The following CLMN variants were observed in gnomAD, a reference collection of about 807,000 sequenced individuals.
CLMN encodes the protein calmin, also known as calmin (calponin-like, transmembrane).
A neutral mutation model predicts 92.7 loss-of-function variants in CLMN; 57 were observed. The ratio of observed to expected loss-of-function variants is 0.61; its 90% CI spans 0.50 to 0.77. The LOEUF (loss-of-function observed/expected upper bound fraction) is 0.77. CLMN is among the 30% of genes least tolerant of loss of function. The pLI, the probability that CLMN is intolerant of heterozygous loss-of-function variation, is 0.00. For synonymous variants in CLMN, 466 were observed against 470.6 expected (o/e 0.99, Z 0.13); for missense variants, 1,158 against 1,237.5 (o/e 0.94, Z 0.96).
intron 1 of CLMN, among the ~76,000 whole-genome samples, chr14:95,291,586 CT>C (rs1310145546): frequency 6.6e-6 from 1 of 152,182 alleles, no homozygotes; most frequent in East Asian, 1.9e-4. Flanking sequence ...CCCAGCAAAC[CT>C]CGCTGGGGAA....
intron 8 of CLMN, among the ~76,000 whole-genome samples, chr14:95,206,606 C>T (rs1763734): frequency 0.29 from 43,507 of 152,180 alleles, 7,788 homozygotes; most frequent in African/African-American, 0.5. Context: ...GAACAGTTCA[C>T]TGCGTGTCTG....
rs898421929 is a variant in CLMN, at chr14:95,184,155, A to C, written c.*7409T>G. Reference sequence around the variant, plus strand: ...AAGAAAAGTATTTTTCATCCAACAAATATGTGCTGAATGCCTATAATGCAC... The same window carrying C: ...AAGAAAAGTATTTTTCATCCAACAACTATGTGCTGAATGCCTATAATGCAC... On this transcript the variant is annotated 3_prime_UTR_variant, in exon 13 of 13. Coordinates refer to ENST00000298912, the MANE Select transcript of CLMN (RefSeq NM_024734.4). 1.3e-5 allele frequency: 2 copies of C among 152,216 alleles called. No individual in the cohort carries two copies. Among genetic ancestry groups the C allele is most frequent in the African/African-American group, 4.8e-5 (2 of 41,452 alleles). The allele number at this position is 152,216 out of a possible 1,614,324, so 9.4% of individuals were successfully genotyped here. A position where few individuals can be genotyped will look rare whatever the true frequency, so the allele number is the denominator to read the frequency against.
chr14:95,276,505 G>T (rs923986874), intron 1 of CLMN, among the ~76,000 whole-genome samples: 1 of 152,202 alleles, frequency 6.6e-6, no homozygotes, highest in South Asian at 2.1e-4. Context: ...TTTAGGGACT[G>T]ACGAGTGGCT....
rs376471724 is a variant in CLMN at position 95,316,105 on chromosome 14, G to A, written c.82+3606C>T. ...GGGCAGCCAGACTAGCCTGTCTTTCGAAGGACACCAGAGCCCCCAGCCAGG... is the reference window on the plus strand; with the variant it reads ...GGGCAGCCAGACTAGCCTGTCTTTCAAAGGACACCAGAGCCCCCAGCCAGG... On this transcript the variant is annotated intron_variant, in intron 1 of 12. Coordinates refer to ENST00000298912, the MANE Select transcript of CLMN (RefSeq NM_024734.4). Among the ~76,000 whole-genome samples, 35 of 152,300 alleles carry A rather than the reference G, an allele frequency of 2.3e-4. No homozygotes were observed. In the South Asian group the frequency reaches 4.3e-3, roughly 19 times the overall value.
chr14:95,276,908 A>G (rs1379928328), intron 1 of CLMN, among the ~76,000 whole-genome samples: 2 of 151,358 alleles, frequency 1.3e-5, no homozygotes, highest in East Asian at 3.9e-4. Context: ...CAAAATTGAG[A>G]GGTTTTTGCC....
intron 2 of CLMN, among the ~76,000 whole-genome samples, chr14:95,227,807 A>G (rs879381716): frequency 3.9e-5 from 6 of 152,202 alleles, no homozygotes; most frequent in Non-Finnish European, 8.8e-5. Context: ...AAATTAAGGA[A>G]TTTTTCCAGA....
At position 95,214,642 on chromosome 14, in the gene CLMN, G is replaced by A. The variant is rs80048186; in HGVS notation, c.417+999C>T. On this transcript the variant is annotated intron_variant, in intron 5 of 12. Coordinates refer to ENST00000298912, the MANE Select transcript of CLMN (RefSeq NM_024734.4). ...TCTGGGATTATATGCGTGAGCCACT[G>A]TGCCCAGCCCACATGGCTTCTTTTG... Among the ~76,000 whole-genome samples the A allele has an allele frequency of 3.1e-3, 472 of 152,188 alleles. 4 individuals are homozygous for A. Among genetic ancestry groups the A allele is most frequent in the African/African-American group, 0.011 (455 of 41,526 alleles).
At chr14:95,279,453 T>C (rs1391932668) in intron 1 of CLMN, among the ~76,000 whole-genome samples, 1 of 152,198 alleles carries the variant, frequency 6.6e-6, no homozygotes, top group Non-Finnish European at 1.5e-5. Flanking sequence ...TCTGCACTTC[T>C]GTCTGGTGTC....
At chr14:95,317,288 G>GA (rs1332349889) in intron 1 of CLMN, among the ~76,000 whole-genome samples, 1 of 152,058 alleles carries the variant, frequency 6.6e-6, no homozygotes, top group Non-Finnish European at 1.5e-5. Context: ...CTGACCAAAG[G>GA]AAAAATCAAG....
intron 1 of CLMN, among the ~76,000 whole-genome samples, chr14:95,282,172 G>A (rs915333876): frequency 7.2e-5 from 11 of 152,220 alleles, no homozygotes; most frequent in African/African-American, 2.7e-4. Flanking sequence ...CAAAAAGAAT[G>A]AGCAGTTTGA....
intron 1 of CLMN, among the ~76,000 whole-genome samples, chr14:95,273,563 G>A (rs879805503): frequency 9.9e-5 from 15 of 152,152 alleles, no homozygotes; most frequent in Non-Finnish European, 2.1e-4. Context: ...GCTCAGGAAA[G>A]GCCCTGAAAG....
intron 1 of CLMN, among the ~76,000 whole-genome samples, chr14:95,266,181 A>G (rs116053668): frequency 0.026 from 4,023 of 152,344 alleles, 195 homozygotes; most frequent in African/African-American, 0.093. Flanking sequence ...TTTATTCAGC[A>G]TAGTACTGGA....
At chr14:95,279,993 T>C (rs1024822650) in intron 1 of CLMN, among the ~76,000 whole-genome samples, 8 of 151,628 alleles carry the variant, frequency 5.3e-5, no homozygotes, top group African/African-American at 1.9e-4. Context: ...TTGCCTAGTA[T>C]AAAGGGTTAA....
At chr14:95,314,503 CA>C (rs1901678826) in intron 1 of CLMN, among the ~76,000 whole-genome samples, 2 of 152,114 alleles carry the variant, frequency 1.3e-5, no homozygotes, top group African/African-American at 2.4e-5. Context: ...ACCACCTTCC[CA>C]GGGGTGGATT....
intron 1 of CLMN, among the ~76,000 whole-genome samples, chr14:95,247,376 A>G (rs920425161): frequency 6.6e-6 from 1 of 152,212 alleles, no homozygotes; most frequent in South Asian, 2.1e-4. Flanking sequence ...TAAATGGTCA[A>G]TTAAGGTGCT....
chr14:95,208,089 A>G (rs1327610977), intron 8 of CLMN, among the ~76,000 whole-genome samples: 8 of 152,248 alleles, frequency 5.3e-5, no homozygotes, highest in Non-Finnish European at 1.0e-4. Context: ...GCAGCCAGCT[A>G]GAAAAGCAGC....
At chr14:95,263,741 C>A (rs180860885) in intron 1 of CLMN, among the ~76,000 whole-genome samples, 1 of 152,202 alleles carries the variant, frequency 6.6e-6, no homozygotes, top group Non-Finnish European at 1.5e-5. Context: ...AAGGAAACCT[C>A]GGATACATTT....
chr14:95,208,249 A>G (rs1435317702), intron 8 of CLMN, among the ~76,000 whole-genome samples: 1 of 152,110 alleles, frequency 6.6e-6, no homozygotes, highest in African/African-American at 2.4e-5. Context: ...TCAGCCATCT[A>G]GTTTATTTCT....
chr14:95,263,569 C>T (rs925814664), intron 1 of CLMN, among the ~76,000 whole-genome samples: 3 of 152,160 alleles, frequency 2.0e-5, no homozygotes, highest in Non-Finnish European at 4.4e-5. Context: ...GGCATCTGCC[C>T]ACTTCACCTC....
Sources: allele counts gnomAD v4.1 joint callset (sites outside exome capture counted in the v4.1 genomes callset), GRCh38; gene constraint gnomAD v4.1.1; transcripts MANE v1.5; gene names NCBI Gene and HGNC (gene_info 2026-07-23, HGNC 2026-07-21).